TMEM196: variants seen among roughly 807,000 people sequenced by gnomAD.
The protein encoded by TMEM196 is transmembrane protein 196.
TMEM196 carries 17 observed loss-of-function variants against 20.0 expected under a neutral mutation model. The observed-to-expected ratio is 0.85, with a 90% CI of 0.58 to 1.27. TMEM196 has a LOEUF of 1.27. Ranked by LOEUF, TMEM196 falls within the 50% of genes most tolerant of loss-of-function variation. TMEM196 has a pLI of 0.00. For synonymous variants in TMEM196, 113 were observed against 88.9 expected, an observed-to-expected ratio of 1.27 and a Z score of -1.52; for missense variants, 267 against 223.0, an observed-to-expected ratio of 1.20 and a Z score of -1.26.
chr7:19,772,172 C>G (rs962642692), intron 1 of TMEM196, among the ~76,000 whole-genome samples: 1 of 151,920 alleles, frequency 6.6e-6, no homozygotes, highest in Non-Finnish European at 1.5e-5. Flanking sequence ...GTAGAAGGAA[C>G]AAAAGATTAA....
chr7:19,749,548 G>A (rs1389188645), intron 1 of TMEM196, among the ~76,000 whole-genome samples: 1 of 151,954 alleles, frequency 6.6e-6, no homozygotes, highest in Non-Finnish European at 1.5e-5. Context: ...AAATTTTTTT[G>A]TGTATATTTA....
At chr7:19,723,271 AC>A (rs1394343591) in intron 4 of TMEM196, among the ~76,000 whole-genome samples, 1 of 150,690 alleles carries the variant, frequency 6.6e-6, no homozygotes, top group Admixed American at 6.6e-5. Context: ...ATCACCCCCC[AC>A]CCCCAATGAT....
intron 1 of TMEM196, among the ~76,000 whole-genome samples, chr7:19,762,024 T>G (rs1335214392): frequency 6.6e-6 from 1 of 152,224 alleles, no homozygotes; most frequent in South Asian, 2.1e-4. Flanking sequence ...AAATTATCTC[T>G]TGAATATTTT....
chr7:19,757,965 CTT>C (rs35641139), intron 1 of TMEM196, among the ~76,000 whole-genome samples: 200 of 141,994 alleles, frequency 1.4e-3, no homozygotes, highest in East Asian at 6.6e-3. Context: ...TATATATATA[CTT>C]TTTTTTTTTT....
At chr7:19,761,543 T>C (rs1291721409) in intron 1 of TMEM196, among the ~76,000 whole-genome samples, 1 of 152,124 alleles carries the variant, frequency 6.6e-6, no homozygotes, top group Non-Finnish European at 1.5e-5. Context: ...AAGGTGTTCC[T>C]CCATTAACGG....
At chr7:19,737,137 A>G (rs950962127) in intron 1 of TMEM196, among the ~76,000 whole-genome samples, 1 of 152,184 alleles carries the variant, frequency 6.6e-6, no homozygotes. Context: ...AAACAACTGA[A>G]TTAAAATATG....
chr7:19,760,352 C>CTTTTTTTTTTTTT (rs55646735), intron 1 of TMEM196, among the ~76,000 whole-genome samples: 2 of 92,176 alleles, frequency 2.2e-5, no homozygotes, highest in Non-Finnish European at 4.2e-5. Context: ...ATATATTTTC[C>CTTTTTTTTTTTTT]TTTTTTTTTT....
At chr7:19,743,453 T>G (rs1369238136) in intron 1 of TMEM196, among the ~76,000 whole-genome samples, 1 of 152,206 alleles carries the variant, frequency 6.6e-6, no homozygotes, top group African/African-American at 2.4e-5. Flanking sequence ...TTATAGTCTA[T>G]ATTACTTAGC....
At chr7:19,722,733 A>T (rs1209048505) in intron 4 of TMEM196, among the ~76,000 whole-genome samples, 1 of 152,186 alleles carries the variant, frequency 6.6e-6, no homozygotes, top group Non-Finnish European at 1.5e-5. Flanking sequence ...TAAAAAGTTA[A>T]TAAGTAAAAC....
At chr7:19,732,327 C>A (rs888259780) in intron 1 of TMEM196, among the ~76,000 whole-genome samples, 6 of 152,078 alleles carry the variant, frequency 3.9e-5, no homozygotes, top group African/African-American at 1.4e-4. Context: ...GTAACCCCAG[C>A]ATGTTGGGAG....
intron 1 of TMEM196, among the ~76,000 whole-genome samples, 164 bp downstream of exon 1, chr7:19,772,386 C>A (rs1170855175): frequency 6.9e-6 from 1 of 145,840 alleles, no homozygotes; most frequent in African/African-American, 2.6e-5. Context: ...GAATAAAGGA[C>A]AATATAAAGA....
Position 19,724,371 on chromosome 7 carries a change from A to G in TMEM196, c.460-18T>C, listed in dbSNP as rs934951320. Reference sequence around the variant, plus strand: ...CTCAATCTCTAATGTAAATATAACAATCATACAATAAATATTGCACAAATA... The same window carrying G: ...CTCAATCTCTAATGTAAATATAACAGTCATACAATAAATATTGCACAAATA... On this transcript the variant is annotated intron_variant, in intron 3 of 4. Coordinates refer to ENST00000405844, the MANE Select transcript of TMEM196 (RefSeq NM_001363562.2). 2.2e-5 allele frequency: 34 copies of G among 1,548,158 alleles called. No homozygotes were observed. The highest frequency in any genetic ancestry group is 3.9e-5 in the Admixed American group (2 of 50,972).
intron 1 of TMEM196, among the ~76,000 whole-genome samples, chr7:19,763,349 A>C (rs972236301): frequency 1.3e-5 from 2 of 152,208 alleles, no homozygotes; most frequent in Admixed American, 6.6e-5. Flanking sequence ...TCCATATGGA[A>C]AAATAATTGG....
At chr7:19,729,047 A>G (rs1022974523) in intron 2 of TMEM196, among the ~76,000 whole-genome samples, 2 of 152,176 alleles carry the variant, frequency 1.3e-5, no homozygotes, top group Non-Finnish European at 2.9e-5. Context: ...AGCTTTATCT[A>G]CTTGAGCTTA....
Position 19,756,449 on chromosome 7 carries a change from A to T in TMEM196, c.147+16101T>A, listed in dbSNP as rs553665706. The stretch of plus-strand genomic sequence containing the variant: ...AACTTGTGTCATGGTGGTTTGTGGT[A>T]TAAATTATTTCCTCAACCAAGTATT... On this transcript the variant is annotated intron_variant, in intron 1 of 4. Transcript: ENST00000405844. 2.5e-3 allele frequency among the ~76,000 whole-genome samples: 375 copies of T among 152,164 alleles called. 1 individual carries two copies. The highest frequency in any genetic ancestry group is 8.6e-3 in the African/African-American group (355 of 41,508).
At chr7:19,729,479 C>T in intron 1 of TMEM196, 41 bp from the exon 2 acceptor site, 1 of 1,530,650 alleles carries the variant, frequency 6.5e-7, no homozygotes, top group Middle Eastern at 1.7e-4. Flanking sequence ...TATCCAAAGA[C>T]ACGAGGACCC....
intron 4 of TMEM196, among the ~76,000 whole-genome samples, chr7:19,723,662 G>A (rs559088672): frequency 2.0e-5 from 3 of 152,222 alleles, no homozygotes; most frequent in African/African-American, 4.8e-5. Flanking sequence ...GGACCAATGT[G>A]ACTATTTGCA....
At chr7:19,768,718 A>G (rs1436938811) in intron 1 of TMEM196, among the ~76,000 whole-genome samples, 3 of 152,350 alleles carry the variant, frequency 2.0e-5, no homozygotes, top group East Asian at 3.8e-4. Flanking sequence ...CAAAAATGCT[A>G]TAATGACACC....
intron 1 of TMEM196, among the ~76,000 whole-genome samples, chr7:19,755,716 T>C (rs751107620): frequency 2.6e-5 from 4 of 152,164 alleles, no homozygotes; most frequent in Non-Finnish European, 5.9e-5. Context: ...TTTCCTCATC[T>C]ATTGTTAATG....
Sources: gnomAD v4.1 joint callset for allele counts (sites outside exome capture counted in the v4.1 genomes callset) on GRCh38, gnomAD v4.1.1 for gene constraint, MANE v1.5 for transcripts, NCBI Gene and HGNC (gene_info 2026-07-23, HGNC 2026-07-21) for gene names.